The following CFAP206 variants were observed in gnomAD, a reference collection of about 807,000 sequenced individuals.
The protein encoded by CFAP206 is cilia- and flagella-associated protein 206.
Under a neutral mutation model 65.4 loss-of-function variants are expected in CFAP206, and 53 were observed. The observed-to-expected ratio is 0.81, with a 90% CI of 0.65 to 1.02. CFAP206 has a LOEUF of 1.02. Among genes scored for constraint, CFAP206 ranks in the 50% least tolerant of loss-of-function variants. CFAP206 has a pLI of 0.00. For missense variants in CFAP206, 663 were observed against 753.2 expected (o/e 0.88, Z 1.40); for synonymous variants, 250 against 254.4 (o/e 0.98, Z 0.17).
Position 87,408,047 on chromosome 6 carries a change from C to T in CFAP206, c.-48C>T. The T allele has an allele frequency of 1.0e-6, 1 of 985,512 alleles. No individual in the cohort carries two copies. Among genetic ancestry groups the T allele is most frequent in the Non-Finnish European group, 1.2e-6 (1 of 830,014 alleles). The allele number at this position is 985,512 out of a possible 1,614,324, so 61.0% of individuals were successfully genotyped here. A position where few individuals can be genotyped will look rare whatever the true frequency, so the allele number is the denominator to read the frequency against. On this transcript the variant is annotated 5_prime_UTR_variant, in exon 1 of 13. Coordinates refer to ENST00000369562, the MANE Select transcript of CFAP206 (RefSeq NM_001031743.3). ...GACCGTCGCGGTGAGGGCCCCAGGA[C>T]AGAAGCAGACAGACACGGCTCCTGC...
chr6:87,445,144 T>C (rs1365639647), intron 11 of CFAP206: 3 of 381,384 alleles, frequency 7.9e-6, no homozygotes, highest in African/African-American at 4.3e-5. Flanking sequence ...TAATCCATCA[T>C]CTGTTATAGC....
At chr6:87,433,521 C>A (rs1475751986) in intron 10 of CFAP206, among the ~76,000 whole-genome samples, 1 of 151,900 alleles carries the variant, frequency 6.6e-6, no homozygotes, top group Non-Finnish European at 1.5e-5. Flanking sequence ...AAAGATGTCC[C>A]ATTTTTGTAG....
At chr6:87,451,183 G>A (rs1768536256) in intron 11 of CFAP206, among the ~76,000 whole-genome samples, 1 of 152,156 alleles carries the variant, frequency 6.6e-6, no homozygotes, top group Non-Finnish European at 1.5e-5. Flanking sequence ...AGTGGACTTG[G>A]GTGCATGCGA....
In CFAP206 at chr6:87,437,872, C is replaced by T. The variant is rs148589125; in HGVS notation, c.1494+2819C>T. Among the ~76,000 whole-genome samples the T allele has an allele frequency of 2.5e-3, 339 of 137,628 alleles. 10 individuals carry two copies. The highest frequency in any genetic ancestry group is 0.022 in the Admixed American group (281 of 12,768). 90.3% of individuals were successfully genotyped at this position (137,628 alleles called of 152,430 possible). A position where few individuals can be genotyped will look rare whatever the true frequency, so the allele number is the denominator to read the frequency against. ...TTTTTAGTTTTAGTTTTTCTAGAGA[C>T]GGTGCCTCACTTTGTTGCTCAGGCT... On this transcript the variant is annotated intron_variant, in intron 11 of 12. Coordinates refer to ENST00000369562, the MANE Select transcript of CFAP206 (RefSeq NM_001031743.3).
rs530126267 is a variant in CFAP206, at chr6:87,453,953, A to T, written c.1495-7069A>T. ...ATCAAAAGACAGAGTAGCTGAATGGATTTAAAAAAACAAGACCCAATGATC... is the reference window on the plus strand; with the variant it reads ...ATCAAAAGACAGAGTAGCTGAATGGTTTTAAAAAAACAAGACCCAATGATC... On this transcript the variant is annotated intron_variant, in intron 11 of 12. Coordinates refer to ENST00000369562, the MANE Select transcript of CFAP206 (RefSeq NM_001031743.3). 3.3e-5 allele frequency among the ~76,000 whole-genome samples: 5 copies of T among 152,328 alleles called. No individual in the cohort carries two copies. The South Asian group carries it at 1.0e-3, about 32-fold the overall frequency.
chr6:87,418,854 G>T (rs1053611056), intron 7 of CFAP206, among the ~76,000 whole-genome samples: 3 of 152,132 alleles, frequency 2.0e-5, no homozygotes, highest in African/African-American at 7.2e-5. Context: ...GCTCATGTCT[G>T]TAATCCTAGC....
At chr6:87,460,159 G>C (rs1768719499) in intron 11 of CFAP206, among the ~76,000 whole-genome samples, 1 of 152,120 alleles carries the variant, frequency 6.6e-6, no homozygotes, top group African/African-American at 2.4e-5. Flanking sequence ...TGTGACCTAA[G>C]TACCTTAAAC....
chr6:87,414,980 G>A (rs530035791), intron 4 of CFAP206, among the ~76,000 whole-genome samples: 4 of 152,056 alleles, frequency 2.6e-5, no homozygotes, highest in East Asian at 1.9e-4. Flanking sequence ...TAAACTGTGC[G>A]TGGTGGATAT....
rs1768101923 is a variant in CFAP206 at position 87,428,772 on chromosome 6, T to C, written c.1107T>C (p.His369=). The C allele has an allele frequency of 2.6e-5, 42 of 1,614,160 alleles. No individual in the cohort carries two copies. Among genetic ancestry groups the C allele is most frequent in the Non-Finnish European group, 3.6e-5 (42 of 1,180,002 alleles). ...LYFPERVMQC[H]LNGATVKTDV... ...TTCCTGAGAGAGTGATGCAATGTCATCTTAATGGAGCGACTGTGAAAACTG... is the reference window on the plus strand; with the variant it reads ...TTCCTGAGAGAGTGATGCAATGTCACCTTAATGGAGCGACTGTGAAAACTG... The change falls in exon 9 of 13, where the codon CAT becomes CAC. Residue 369 remains histidine, a synonymous_variant. Coordinates refer to ENST00000369562, the MANE Select transcript of CFAP206 (RefSeq NM_001031743.3).
intron 1 of CFAP206, chr6:87,408,538 A>C (rs537318647): frequency 1.4e-5 from 1 of 71,664 alleles, no homozygotes; most frequent in South Asian, 3.4e-4. Flanking sequence ...GAGCGCGCAC[A>C]CAGATCCGGA....
intron 3 of CFAP206, among the ~76,000 whole-genome samples, chr6:87,410,876 T>C (rs1459007196): frequency 6.6e-6 from 1 of 152,136 alleles, no homozygotes; most frequent in African/African-American, 2.4e-5. Flanking sequence ...TGCAATATGG[T>C]CATCTGGTGG....
At position 87,415,826 on chromosome 6, in the gene CFAP206, T is replaced by G; in HGVS notation, c.424T>G (p.Ser142Ala). 6.2e-7 allele frequency: 1 copy of G among 1,611,330 alleles called. No homozygotes were observed. Among genetic ancestry groups the G allele is most frequent in the Non-Finnish European group, 8.5e-7 (1 of 1,178,738 alleles). ...GATTATCAGCTATGTGTTACTCCGC[T>G]CTGGCCTTGGATCCCCTACAGACAT... is the stretch of plus-strand genomic sequence containing the variant. ...RKIISYVLLR[S>A]GLGSPTDIKT... The change falls in exon 5 of 13, where the codon TCT becomes GCT. Residue 142 changes from serine (S) to alanine (A), a missense_variant. Physicochemically the swap from Ser to Ala is moderately conservative, Grantham distance 99. Coordinates refer to ENST00000369562, the MANE Select transcript of CFAP206 (RefSeq NM_001031743.3).
At chr6:87,448,224 T>C (rs1768479028) in intron 11 of CFAP206, among the ~76,000 whole-genome samples, 1 of 152,122 alleles carries the variant, frequency 6.6e-6, no homozygotes, top group African/African-American at 2.4e-5. Context: ...TGTGTGATCA[T>C]AGCCCACTGC....
intron 11 of CFAP206, chr6:87,441,487 C>T (rs9450684): frequency 0.14 from 22,745 of 158,456 alleles, 1,741 homozygotes; most frequent in Admixed American, 0.16. Flanking sequence ...TGATTAAATA[C>T]CCACAAGGAT....
intron 7 of CFAP206, among the ~76,000 whole-genome samples, chr6:87,422,321 G>A (rs1447165952): frequency 1.3e-5 from 2 of 151,548 alleles, no homozygotes; most frequent in Admixed American, 6.6e-5. Context: ...ATGGTGGTGC[G>A]AGCCTGTAAT....
Position 87,464,368 on chromosome 6 carries a change from G to A in CFAP206, c.*118G>A. 1 of 655,270 alleles carries A rather than the reference G, an allele frequency of 1.5e-6. No individual in the cohort carries two copies. Among genetic ancestry groups the A allele is most frequent in the East Asian group, 2.9e-5 (1 of 34,614 alleles). 40.6% of individuals were successfully genotyped at this position (655,270 alleles called of 1,614,324 possible). A position where few individuals can be genotyped will look rare whatever the true frequency, so the allele number is the denominator to read the frequency against. Reference sequence around the variant, plus strand: ...GGGGTGGCACATTCATTGGTTGTGTGACTGTTTATTGGGTTCCCATATTTT... The same window carrying A: ...GGGGTGGCACATTCATTGGTTGTGTAACTGTTTATTGGGTTCCCATATTTT... On this transcript the variant is annotated 3_prime_UTR_variant, in exon 13 of 13. Transcript: ENST00000369562.
chr6:87,414,711 T>C (rs927710575), intron 4 of CFAP206, among the ~76,000 whole-genome samples: 1 of 152,226 alleles, frequency 6.6e-6, no homozygotes, highest in African/African-American at 2.4e-5. Context: ...AACAAGTCTA[T>C]TTCTCTATGG....
intron 11 of CFAP206, among the ~76,000 whole-genome samples, chr6:87,455,830 G>T (rs544352475): frequency 6.6e-6 from 1 of 152,280 alleles, no homozygotes; most frequent in African/African-American, 2.4e-5. Context: ...AACCTGAATA[G>T]ATCAATAACA....
rs1270127159 is a variant in CFAP206 at position 87,431,163 on chromosome 6, TCTC to T, written c.1293_1295del (p.Leu432del). 6.2e-7 allele frequency: 1 copy of T among 1,613,678 alleles called. No individual in the cohort carries two copies. The highest frequency in any genetic ancestry group is 8.5e-7 in the Non-Finnish European group (1 of 1,179,868). ...ACACGTTTGCTGCAACAGATGGTCT[TCTC>T]CTTCCAGGTATATCATTGGAAATGA... On this transcript the variant is annotated inframe_deletion, in exon 10 of 13. Transcript: ENST00000369562.
Sources: gnomAD v4.1 joint callset for allele counts (sites outside exome capture counted in the v4.1 genomes callset) on GRCh38, gnomAD v4.1.1 for gene constraint, MANE v1.5 for transcripts, NCBI Gene and HGNC (gene_info 2026-07-23, HGNC 2026-07-21) for gene names.